Variants in HPSE2 observed in about 807,000 individuals in gnomAD.
HPSE2 encodes the protein heparanase 2 (inactive).
In HPSE2, 38 loss-of-function variants were observed where a neutral mutation model predicts 60.5. The observed-to-expected ratio is 0.63, with a 90% CI of 0.48 to 0.82. HPSE2 has a LOEUF of 0.82. Among genes scored for constraint, HPSE2 ranks in the 40% least tolerant of loss-of-function variants. HPSE2 has a pLI of 0.00. For missense variants in HPSE2, 713 were observed against 740.4 expected, an observed-to-expected ratio of 0.96 and a Z score of 0.43; for synonymous variants, 295 against 293.2, an observed-to-expected ratio of 1.01 and a Z score of -0.06.
At chr10:98,775,523 G>A (rs533985036) in intron 3 of HPSE2, among the ~76,000 whole-genome samples, 1 of 152,316 alleles carries the variant, frequency 6.6e-6, no homozygotes, top group East Asian at 1.9e-4. Flanking sequence ...GATATCTAAA[G>A]AGCAAATCAG....
chr10:98,925,184 C>G (rs922612987), intron 3 of HPSE2, among the ~76,000 whole-genome samples: 3 of 152,098 alleles, frequency 2.0e-5, no homozygotes, highest in Non-Finnish European at 2.9e-5. Context: ...GTGAATATGA[C>G]GTTAAATCCA....
intron 3 of HPSE2, among the ~76,000 whole-genome samples, chr10:98,862,026 A>G (rs973204447): frequency 3.3e-5 from 5 of 152,198 alleles, no homozygotes; most frequent in Non-Finnish European, 5.9e-5. Context: ...GACAAAAAGT[A>G]TGTGCTGTTA....
At chr10:98,751,818 G>C (rs929939939) in intron 3 of HPSE2, among the ~76,000 whole-genome samples, 7 of 152,176 alleles carry the variant, frequency 4.6e-5, no homozygotes, top group Non-Finnish European at 7.3e-5. Flanking sequence ...GTTAATACTA[G>C]GGATGACATC....
intron 3 of HPSE2, among the ~76,000 whole-genome samples, chr10:98,941,573 TA>T (rs1182148174): frequency 7.1e-6 from 1 of 141,182 alleles, no homozygotes; most frequent in Non-Finnish European, 1.5e-5. Flanking sequence ...CTCAATGAAA[TA>T]AAAGAGGATA....
intron 9 of HPSE2, among the ~76,000 whole-genome samples, chr10:98,536,086 C>T (rs1943274984): frequency 6.6e-6 from 1 of 152,218 alleles, no homozygotes; most frequent in Non-Finnish European, 1.5e-5. Flanking sequence ...GGGTCCAGAG[C>T]TGGTCTGGGG....
At chr10:98,906,045 T>G (rs1430399900) in intron 3 of HPSE2, among the ~76,000 whole-genome samples, 1 of 152,190 alleles carries the variant, frequency 6.6e-6, no homozygotes, top group Non-Finnish European at 1.5e-5. Flanking sequence ...TCTTGCTGCC[T>G]GCATCCAATG....
intron 3 of HPSE2, among the ~76,000 whole-genome samples, chr10:98,863,101 T>C (rs1414201288): frequency 1.3e-5 from 2 of 152,142 alleles, no homozygotes; most frequent in South Asian, 2.1e-4. Flanking sequence ...AAATCCTTGA[T>C]TCCCCCAGGA....
chr10:99,072,941 A>G (rs1311688045), intron 3 of HPSE2, among the ~76,000 whole-genome samples: 1 of 22,774 alleles, frequency 4.4e-5, no homozygotes, highest in African/African-American at 5.9e-5. Flanking sequence ...AAAAAAAAAA[A>G]AAAAAAAAAA....
intron 9 of HPSE2, among the ~76,000 whole-genome samples, chr10:98,576,488 T>C (rs965022327): frequency 6.6e-6 from 1 of 151,854 alleles, no homozygotes; most frequent in Non-Finnish European, 1.5e-5. Flanking sequence ...AAAACTGTAA[T>C]AAAAACTACC....
chr10:99,235,996 TTTC>T (rs200572532), upstream of HPSE2: 1,858 of 496,968 alleles, frequency 3.7e-3, 33 homozygotes, highest in African/African-American at 0.037. Context: ...GTTTTGTTTT[TTTC>T]TTTTTTTTTT....
At chr10:98,662,750 A>G (rs912700097) in intron 6 of HPSE2, among the ~76,000 whole-genome samples, 3 of 152,226 alleles carry the variant, frequency 2.0e-5, no homozygotes, top group Non-Finnish European at 4.4e-5. Flanking sequence ...CACTTTGAGA[A>G]AACAATGTCT....
intron 3 of HPSE2, among the ~76,000 whole-genome samples, chr10:98,857,318 A>G (rs1361238400): frequency 5.3e-5 from 8 of 152,176 alleles, no homozygotes; most frequent in Non-Finnish European, 1.2e-4. Flanking sequence ...AGCCAGACCT[A>G]TACGTAATAA....
the HPSE2 span, among the ~76,000 whole-genome samples, chr10:99,297,120 C>A: frequency 6.6e-6 from 1 of 151,816 alleles, no homozygotes; most frequent in Admixed American, 6.6e-5. Context: ...GTAGGGCCTG[C>A]TTCTCCCCAC....
intron 2 of HPSE2, among the ~76,000 whole-genome samples, chr10:99,221,434 G>A (rs1849310906): frequency 6.6e-6 from 1 of 152,138 alleles, no homozygotes; most frequent in Non-Finnish European, 1.5e-5. Flanking sequence ...TAATCTAGGA[G>A]TAGAGCCAAG....
At chr10:98,718,425 A>T (rs1480199146) in intron 5 of HPSE2, among the ~76,000 whole-genome samples, 2 of 152,182 alleles carry the variant, frequency 1.3e-5, no homozygotes, top group Non-Finnish European at 2.9e-5. Flanking sequence ...TTACCCAGCA[A>T]TCCCACCTAT....
At chr10:99,274,269 C>A in the HPSE2 span, among the ~76,000 whole-genome samples, 1 of 152,146 alleles carries the variant, frequency 6.6e-6, no homozygotes, top group Non-Finnish European at 1.5e-5. Flanking sequence ...ATCGTTTGAA[C>A]CTGGGAGACG....
At chr10:99,002,487 C>A (rs192910154) in intron 3 of HPSE2, among the ~76,000 whole-genome samples, 5 of 152,144 alleles carry the variant, frequency 3.3e-5, no homozygotes, top group East Asian at 1.9e-4. Context: ...GACTTATAAC[C>A]AAATCTATAA....
At chr10:98,814,171 A>G (rs1434516074) in intron 3 of HPSE2, among the ~76,000 whole-genome samples, 1 of 152,120 alleles carries the variant, frequency 6.6e-6, no homozygotes. Context: ...CACAGATCAA[A>G]TTTATCAAAT....
intron 3 of HPSE2, among the ~76,000 whole-genome samples, chr10:98,813,699 A>C (rs1362965501): frequency 1.3e-5 from 2 of 152,200 alleles, no homozygotes; most frequent in African/African-American, 4.8e-5. Context: ...TCAGCACTTA[A>C]AGCAATATTT....
Sources: gnomAD v4.1 joint callset for allele counts (sites outside exome capture counted in the v4.1 genomes callset) on GRCh38, gnomAD v4.1.1 for gene constraint, MANE v1.5 for transcripts, NCBI Gene and HGNC (gene_info 2026-07-23, HGNC 2026-07-21) for gene names.